Variants in COL22A1 observed in about 807,000 individuals in gnomAD.
The protein encoded by COL22A1 is collagen type XXII alpha 1 chain.
A neutral mutation model predicts 248.9 loss-of-function variants in COL22A1; 221 were observed. That is an observed-to-expected ratio of 0.89 (90% CI 0.80 to 0.99). The LOEUF (loss-of-function observed/expected upper bound fraction) is 0.99, where lower values mean the gene tolerates loss of function less well. COL22A1 is among the 50% of genes least tolerant of loss of function. The pLI is 0.00. For synonymous variants in COL22A1, 891 were observed against 793.4 expected (o/e 1.12, Z -2.07); for missense variants, 2,240 against 2,179.0 (o/e 1.03, Z -0.56).
intron 3 of COL22A1, among the ~76,000 whole-genome samples, chr8:138,852,036 C>G (rs1244854333): frequency 6.6e-6 from 1 of 151,660 alleles, no homozygotes. Flanking sequence ...GAGGCAACTA[C>G]AGGAAGGCAG....
chr8:138,850,961 G>A (rs1023242022), intron 3 of COL22A1, among the ~76,000 whole-genome samples: 2 of 152,172 alleles, frequency 1.3e-5, no homozygotes, highest in South Asian at 2.1e-4. Flanking sequence ...CCTGGCACAC[G>A]TCTCAGTGCA....
chr8:138,692,734 G>A (rs896834478), intron 35 of COL22A1, among the ~76,000 whole-genome samples: 28 of 151,920 alleles, frequency 1.8e-4, no homozygotes, highest in African/African-American at 6.5e-4. Context: ...CAGGACTCAC[G>A]GAGAACACTC....
chr8:138,843,990 T>C (rs1286946455), intron 4 of COL22A1, 94 bp downstream of exon 4: 4 of 1,071,210 alleles, frequency 3.7e-6, no homozygotes, highest in Non-Finnish European at 5.8e-6. Context: ...AAGAACAGGG[T>C]CAGTGAGGCC....
chr8:138,721,335 T>A (rs1168191096), intron 26 of COL22A1, among the ~76,000 whole-genome samples: 1 of 152,212 alleles, frequency 6.6e-6, no homozygotes, highest in Non-Finnish European at 1.5e-5. Flanking sequence ...AGTCTGGGTG[T>A]GCTCACAGGA....
chr8:138,610,402 A>G (rs986385014), intron 56 of COL22A1, among the ~76,000 whole-genome samples: 4 of 152,202 alleles, frequency 2.6e-5, no homozygotes, highest in African/African-American at 9.6e-5. Context: ...GAAGCACTCT[A>G]TACATATTCA....
At chr8:138,668,446 C>G (rs903579053) in intron 41 of COL22A1, among the ~76,000 whole-genome samples, 2 of 152,176 alleles carry the variant, frequency 1.3e-5, no homozygotes, top group African/African-American at 4.8e-5. Context: ...AATACACTTA[C>G]ATCTGATACA....
intron 25 of COL22A1, among the ~76,000 whole-genome samples, chr8:138,722,858 G>A (rs1161693554): frequency 9.2e-6 from 1 of 108,752 alleles, no homozygotes; most frequent in Non-Finnish European, 2.0e-5. Flanking sequence ...GGCGGGGGGG[G>A]GGTGGTGGAA....
chr8:138,743,494 C>T (rs538966583), intron 22 of COL22A1, among the ~76,000 whole-genome samples: 10 of 145,856 alleles, frequency 6.9e-5, no homozygotes, highest in South Asian at 6.6e-4. Context: ...TGGTGGTGAT[C>T]GTGGTGATGG....
rs73432827 is a variant in COL22A1, at chr8:138,649,864, T to C, written c.3334-86A>G. ...CAAAGCAAAGTAGCCCTGGCTGCTA[T>C]CTCTCCAGATGGAGATTTGGTTTTT... On this transcript the variant is annotated intron_variant, in intron 45 of 64. Transcript: ENST00000303045. 539 of 769,088 alleles carry C rather than the reference T, an allele frequency of 7.0e-4. 4 individuals are homozygous for C. The African/African-American group carries it at 8.6e-3, about 12-fold the overall frequency. The allele number at this position is 769,088 out of a possible 1,614,324, so 47.6% of individuals were successfully genotyped here. A position where few individuals can be genotyped will look rare whatever the true frequency, so the allele number is the denominator to read the frequency against.
chr8:138,808,660 TATAA>T (rs1360019622), intron 9 of COL22A1, among the ~76,000 whole-genome samples: 1 of 152,224 alleles, frequency 6.6e-6, no homozygotes, highest in Non-Finnish European at 1.5e-5. Context: ...ATTTTATAGA[TATAA>T]ATATCACCAC....
At chr8:138,608,911 G>A (rs1194148837) in intron 56 of COL22A1, among the ~76,000 whole-genome samples, 2 of 152,226 alleles carry the variant, frequency 1.3e-5, no homozygotes, top group Non-Finnish European at 2.9e-5. Context: ...CCTAGGAGGA[G>A]AGAGCCTCCT....
intron 57 of COL22A1, 149 bp downstream of exon 57, chr8:138,607,787 C>A (rs959963670): frequency 1.6e-6 from 1 of 635,638 alleles, no homozygotes; most frequent in East Asian, 2.9e-5. Flanking sequence ...CCCTATGGAG[C>A]CTCTTACCTC....
intron 52 of COL22A1, among the ~76,000 whole-genome samples, chr8:138,623,271 TGTG>T (rs1819971314): frequency 9.5e-6 from 1 of 104,952 alleles, no homozygotes; most frequent in South Asian, 4.0e-4. Context: ...TATGTGTGTG[TGTG>T]TGTGTGTGTG....
intron 39 of COL22A1, among the ~76,000 whole-genome samples, chr8:138,682,236 A>G (rs1468508894): frequency 6.7e-6 from 1 of 150,298 alleles, no homozygotes; most frequent in East Asian, 2.0e-4. Context: ...CATGCATTCC[A>G]GAAGTGTTGA....
intron 55 of COL22A1, among the ~76,000 whole-genome samples, chr8:138,614,865 C>G (rs1279241888): frequency 6.6e-6 from 1 of 152,202 alleles, no homozygotes; most frequent in African/African-American, 2.4e-5. Context: ...CTCCATCATT[C>G]CTGGGAGCAG....
At chr8:138,855,495 C>T (rs532566287) in intron 3 of COL22A1, among the ~76,000 whole-genome samples, 60 of 152,280 alleles carry the variant, frequency 3.9e-4, no homozygotes, top group African/African-American at 1.2e-3. Context: ...ATCTCCTCCC[C>T]GTTTGAGTGC....
intron 11 of COL22A1, 32 bp from the exon 12 acceptor site, chr8:138,796,889 A>G: frequency 6.9e-7 from 1 of 1,441,084 alleles, no homozygotes; most frequent in Non-Finnish European, 9.8e-7. Context: ...AAGATTCACT[A>G]CAGAGCATCT....
At chr8:138,652,981 A>T (rs1822896866) in intron 45 of COL22A1, among the ~76,000 whole-genome samples, 1 of 151,894 alleles carries the variant, frequency 6.6e-6, no homozygotes, top group Non-Finnish European at 1.5e-5. Context: ...TCCTGGCCTC[A>T]AGTGATCCAC....
At chr8:138,655,356 T>C (rs185967591) in intron 45 of COL22A1, among the ~76,000 whole-genome samples, 1 of 152,154 alleles carries the variant, frequency 6.6e-6, no homozygotes, top group African/African-American at 2.4e-5. Context: ...AAATTTTTAA[T>C]CGCATTTATT....
Sources: gnomAD v4.1 joint callset for allele counts (sites outside exome capture counted in the v4.1 genomes callset) on GRCh38, gnomAD v4.1.1 for gene constraint, MANE v1.5 for transcripts, NCBI Gene and HGNC (gene_info 2026-07-23, HGNC 2026-07-21) for gene names.